Variants in STON2 observed in about 807,000 individuals in gnomAD.
The protein encoded by STON2 is stonin-2.
Under a neutral mutation model 65.7 loss-of-function variants are expected in STON2, and 29 were observed. The ratio of observed to expected loss-of-function variants is 0.44; its 90% CI spans 0.33 to 0.60. The LOEUF (loss-of-function observed/expected upper bound fraction) is 0.60, where lower values mean the gene tolerates loss of function less well. Ranked by LOEUF, STON2 falls within the 20% of genes least tolerant of loss-of-function variation. The pLI is 0.03. For missense variants in STON2, 1,054 were observed against 1,118.1 expected, an observed-to-expected ratio of 0.94 and a Z score of 0.82; for synonymous variants, 404 against 414.2, an observed-to-expected ratio of 0.98 and a Z score of 0.30.
intron 3 of STON2, among the ~76,000 whole-genome samples, chr14:81,393,753 G>A (rs1337420836): frequency 6.6e-6 from 1 of 152,178 alleles, no homozygotes; most frequent in Non-Finnish European, 1.5e-5. Context: ...ACTGCCCAGT[G>A]TTCCGTAACT....
chr14:81,323,889 C>T (rs1275436762), intron 5 of STON2, among the ~76,000 whole-genome samples, 128 bp downstream of exon 5: 1 of 152,104 alleles, frequency 6.6e-6, no homozygotes, highest in African/African-American at 2.4e-5. Context: ...TGGGGACCAC[C>T]GAGAACTAAC....
chr14:81,411,864 C>T (rs1356356780), intron 2 of STON2, among the ~76,000 whole-genome samples: 1 of 141,600 alleles, frequency 7.1e-6, no homozygotes, highest in African/African-American at 2.9e-5. Flanking sequence ...AGAGTTAAGA[C>T]AAGGAATAAC....
At chr14:81,318,043 G>A (rs1896690404) in intron 5 of STON2, among the ~76,000 whole-genome samples, 1 of 152,088 alleles carries the variant, frequency 6.6e-6, no homozygotes, top group Non-Finnish European at 1.5e-5. Flanking sequence ...TTGGCTCACT[G>A]CAACCTTCAC....
chr14:81,316,066 C>T (rs1020531983), intron 5 of STON2, among the ~76,000 whole-genome samples: 3 of 152,170 alleles, frequency 2.0e-5, no homozygotes, highest in African/African-American at 7.2e-5. Flanking sequence ...TATCATGCCT[C>T]CTACAAAACA....
chr14:81,396,701 C>T (rs2140439147), intron 2 of STON2, among the ~76,000 whole-genome samples: 2 of 152,286 alleles, frequency 1.3e-5, no homozygotes, highest in South Asian at 2.1e-4. Flanking sequence ...GTTATTTCTG[C>T]AGCACTGTAT....
chr14:81,339,125 A>C (rs2140286750), intron 4 of STON2, among the ~76,000 whole-genome samples: 1 of 152,272 alleles, frequency 6.6e-6, no homozygotes, highest in African/African-American at 2.4e-5. Flanking sequence ...AAAGGGCAGG[A>C]GAAAAGAAAG....
At chr14:81,313,443 G>A (rs1896503834) in intron 5 of STON2, among the ~76,000 whole-genome samples, 1 of 151,862 alleles carries the variant, frequency 6.6e-6, no homozygotes, top group Non-Finnish European at 1.5e-5. Flanking sequence ...AAAACAGATT[G>A]GGTGCTTGCT....
rs1227163634 is a variant in STON2 at position 81,262,743 on chromosome 14, G to C, written c.*5671C>G. On this transcript the variant is annotated 3_prime_UTR_variant, in exon 8 of 8. Coordinates refer to ENST00000614646, the MANE Select transcript of STON2 (RefSeq NM_001394390.1). ...CAAAACAACTAGACTCTTTCCAGCA[G>C]ATTTGCTAAGGCACACTAGAAGAAA... 1.0e-6 allele frequency: 1 copy of C among 985,150 alleles called. No individual in the cohort carries two copies. Among genetic ancestry groups the C allele is most frequent in the African/African-American group, 1.7e-5 (1 of 57,166 alleles). 61.0% of individuals were successfully genotyped at this position (985,150 alleles called of 1,614,324 possible).
chr14:81,396,550 G>T (rs1900333241), intron 2 of STON2, among the ~76,000 whole-genome samples: 2 of 152,188 alleles, frequency 1.3e-5, no homozygotes, highest in Non-Finnish European at 2.9e-5. Flanking sequence ...GACTGGTGGG[G>T]ACTGTGGCTG....
At chr14:81,329,403 C>T (rs1897121449) in intron 4 of STON2, among the ~76,000 whole-genome samples, 3 of 149,396 alleles carry the variant, frequency 2.0e-5, no homozygotes, top group Non-Finnish European at 4.4e-5. Flanking sequence ...TGCAGTGAGC[C>T]GAGATCGTGC....
chr14:81,433,208 C>T (rs1455992162), intron 1 of STON2, among the ~76,000 whole-genome samples: 1 of 152,212 alleles, frequency 6.6e-6, no homozygotes, highest in Non-Finnish European at 1.5e-5. Flanking sequence ...GCTGCTCAAG[C>T]GCCAACTAAA....
At chr14:81,423,354 T>C (rs1901808350) in intron 2 of STON2, among the ~76,000 whole-genome samples, 1 of 152,182 alleles carries the variant, frequency 6.6e-6, no homozygotes, top group South Asian at 2.1e-4. Flanking sequence ...TACACATACA[T>C]GCAACATTAA....
chr14:81,394,025 T>C (rs1209426252), intron 3 of STON2, among the ~76,000 whole-genome samples: 1 of 152,144 alleles, frequency 6.6e-6, no homozygotes, highest in East Asian at 1.9e-4. Flanking sequence ...ATCCTGTCTC[T>C]ACTAAAAATA....
chr14:81,427,448 C>T (rs1902034105), intron 1 of STON2: 1 of 152,236 alleles, frequency 6.6e-6, no homozygotes, highest in Non-Finnish European at 1.5e-5. Flanking sequence ...ACAACTCTGA[C>T]TCCTTGGGAC....
chr14:81,320,901 AG>A (rs1896799653), intron 5 of STON2, among the ~76,000 whole-genome samples: 1 of 152,208 alleles, frequency 6.6e-6, no homozygotes, highest in South Asian at 2.1e-4. Context: ...ATAACACACA[AG>A]ACCAGCAAAT....
rs957531010 is a variant in STON2 at position 81,420,096 on chromosome 14, C to G, written c.-199+7006G>C. On this transcript the variant is annotated intron_variant, in intron 2 of 8. Coordinates refer to the STON2 transcript ENST00000553821. ...GTGCATCTGCTAGATCCTTTAGCAG[C>G]AGATGAGAAATCCAGATTCCACACC... 2.0e-5 allele frequency among the ~76,000 whole-genome samples: 3 copies of G among 152,200 alleles called. No homozygotes were observed. In the East Asian group the frequency reaches 5.8e-4, roughly 29 times the overall value.
chr14:81,401,339 CCCAGA>C (rs1296744497), upstream of STON2, among the ~76,000 whole-genome samples: 1 of 152,180 alleles, frequency 6.6e-6, no homozygotes, highest in Non-Finnish European at 1.5e-5. Context: ...CTTCACTTGT[CCCAGA>C]CCAGACATGG....
chr14:81,397,814 A>C (rs552055956), intron 2 of STON2, among the ~76,000 whole-genome samples: 2 of 152,120 alleles, frequency 1.3e-5, no homozygotes, highest in Non-Finnish European at 2.9e-5. Flanking sequence ...CTTAAGCCTC[A>C]CAGCAACCTG....
At chr14:81,341,186 A>G (rs1897594038) in intron 4 of STON2, among the ~76,000 whole-genome samples, 1 of 152,154 alleles carries the variant, frequency 6.6e-6, no homozygotes. Context: ...TGATTTTCTT[A>G]GGCCAAGTTC....
Sources: allele counts gnomAD v4.1 joint callset (sites outside exome capture counted in the v4.1 genomes callset), GRCh38; gene constraint gnomAD v4.1.1; transcripts MANE v1.5; gene names NCBI Gene and HGNC (gene_info 2026-07-23, HGNC 2026-07-21).